Variants in N4BP2 observed in about 807,000 individuals in gnomAD.
N4BP2 encodes NEDD4 binding protein 2, also known as NEDD4-binding protein 2.
Under a neutral mutation model 152.8 loss-of-function variants are expected in N4BP2, and 91 were observed. That is an observed-to-expected ratio of 0.60 (90% CI 0.50 to 0.71). The LOEUF is 0.71. N4BP2 is among the 30% of genes least tolerant of loss of function. The probability of loss-of-function intolerance (pLI) is 0.00; values close to 1 mark genes in which losing one functional copy is unlikely to be tolerated. For synonymous variants in N4BP2, 646 were observed against 705.3 expected (o/e 0.92, Z 1.33); for missense variants, 1,923 against 2,059.1 (o/e 0.93, Z 1.28).
intron 4 of N4BP2, among the ~76,000 whole-genome samples, chr4:40,103,756 T>G (rs1560596545): frequency 1.3e-5 from 2 of 152,188 alleles, no homozygotes. Context: ...ATCAGTTATT[T>G]GATCTCATAT....
the N4BP2 span, among the ~76,000 whole-genome samples, chr4:40,169,762 C>T: frequency 6.6e-6 from 1 of 150,534 alleles, no homozygotes; most frequent in Admixed American, 6.6e-5. Flanking sequence ...GTCAGGTGTT[C>T]GAGACCAGCG....
chr4:40,073,341 T>C (rs535565098), intron 1 of N4BP2, 114 bp from the exon 2 acceptor site: 1 of 152,212 alleles, frequency 6.6e-6, no homozygotes, highest in East Asian at 1.9e-4. Flanking sequence ...TTTGTCACTT[T>C]CTTTTTGGAA....
chr4:40,125,981 G>T (rs1240885837), intron 11 of N4BP2, among the ~76,000 whole-genome samples, 153 bp from the exon 12 acceptor site: 2 of 151,836 alleles, frequency 1.3e-5, no homozygotes, highest in African/African-American at 2.4e-5. Context: ...ATGACGTGAA[G>T]ATGTATTTTA....
At chr4:40,061,350 A>G (rs929805499) in intron 1 of N4BP2, among the ~76,000 whole-genome samples, 2 of 145,826 alleles carry the variant, frequency 1.4e-5, no homozygotes, top group African/African-American at 5.0e-5. Context: ...TCATATTTTT[A>G]TTTCATTTTA....
chr4:40,061,356 T>C (rs1560564108), intron 1 of N4BP2, among the ~76,000 whole-genome samples: 1 of 150,044 alleles, frequency 6.7e-6, no homozygotes, highest in Admixed American at 6.7e-5. Context: ...TTTTATTTCA[T>C]TTTATTTATT....
rs374962141 is a variant in N4BP2 at position 40,118,015 on chromosome 4, G to A, written c.1811G>A (p.Arg604Lys). 4 of 1,591,652 alleles carry A rather than the reference G, an allele frequency of 2.5e-6. No individual in the cohort carries two copies. The highest frequency in any genetic ancestry group is 1.4e-5 in the African/African-American group (1 of 73,782). ...IELCAYSCED[R>K]STSPRDDEDI... is the part of the protein sequence containing the mutation. ...TTGTGTGCATATTCTTGTGAGGATA[G>A]AAGCACTAGGTAGGTTAAAATGCCT... is the stretch of plus-strand genomic sequence containing the variant. The change falls in exon 8 of 18, where the codon AGA becomes AAA. Residue 604 changes from arginine (R) to lysine (K), a missense_variant. Physicochemically the swap from Arg to Lys is conservative, Grantham distance 26. Coordinates refer to ENST00000261435, the MANE Select transcript of N4BP2 (RefSeq NM_018177.6).
At chr4:40,068,806 C>T (rs1711817830) in intron 1 of N4BP2, among the ~76,000 whole-genome samples, 1 of 152,168 alleles carries the variant, frequency 6.6e-6, no homozygotes, top group Non-Finnish European at 1.5e-5. Context: ...TGGGATCCTT[C>T]TCATAATTTT....
At chr4:40,179,652 A>G in the N4BP2 span, among the ~76,000 whole-genome samples, 1 of 152,194 alleles carries the variant, frequency 6.6e-6, no homozygotes, top group Non-Finnish European at 1.5e-5. Context: ...GGTTGGTGCC[A>G]GAGACTGTGC....
At chr4:40,185,113 C>T in the N4BP2 span, among the ~76,000 whole-genome samples, 6 of 151,982 alleles carry the variant, frequency 3.9e-5, no homozygotes, top group East Asian at 3.8e-4. Flanking sequence ...CCCTTCCATT[C>T]GACGTGTGCC....
chr4:40,169,637 T>C, the N4BP2 span, among the ~76,000 whole-genome samples: 1 of 150,578 alleles, frequency 6.6e-6, no homozygotes, highest in African/African-American at 2.4e-5. Context: ...TACATAAAGA[T>C]TGGAAATTCA....
chr4:40,090,542 A>T (rs1285817282), intron 2 of N4BP2, among the ~76,000 whole-genome samples: 1 of 152,216 alleles, frequency 6.6e-6, no homozygotes, highest in Non-Finnish European at 1.5e-5. Context: ...AAGTGAAACG[A>T]CATGTATCAG....
chr4:40,105,012 C>T (rs1007769002), intron 4 of N4BP2, among the ~76,000 whole-genome samples: 5 of 152,058 alleles, frequency 3.3e-5, no homozygotes, highest in Non-Finnish European at 7.4e-5. Context: ...CCGTGTTAGC[C>T]GGGATGGTCT....
chr4:40,155,936 G>A lies in N4BP2; in HGVS notation c.*1699G>A, dbSNP rs554585455. On this transcript the variant is annotated 3_prime_UTR_variant, in exon 18 of 18. Coordinates refer to ENST00000261435, the MANE Select transcript of N4BP2 (RefSeq NM_018177.6). ...ATTATTTAGAAATGGTTAGTGACTG[G>A]TATTGAAGTATTATTCACACTTATG... is the stretch of plus-strand genomic sequence containing the variant. The A allele has an allele frequency of 1.3e-5, 2 of 152,194 alleles. No individual in the cohort carries two copies. The highest frequency in any genetic ancestry group is 2.4e-5 in the African/African-American group (1 of 41,540). 9.4% of individuals were successfully genotyped at this position (152,194 alleles called of 1,614,324 possible). A position where few individuals can be genotyped will look rare whatever the true frequency, so the allele number is the denominator to read the frequency against.
At chr4:40,136,088 T>C (rs1719356106) in intron 13 of N4BP2, among the ~76,000 whole-genome samples, 1 of 152,200 alleles carries the variant, frequency 6.6e-6, no homozygotes, top group Non-Finnish European at 1.5e-5. Flanking sequence ...GACTGAATAA[T>C]GCAGGGATGA....
chr4:40,156,634 A>G lies in N4BP2; in HGVS notation c.*2397A>G. 1 of 152,096 alleles carries G rather than the reference A, an allele frequency of 6.6e-6. No individual in the cohort carries two copies. The highest frequency in any genetic ancestry group is 1.9e-4 in the East Asian group (1 of 5,196). 9.4% of individuals were successfully genotyped at this position (152,096 alleles called of 1,614,324 possible). A position where few individuals can be genotyped will look rare whatever the true frequency, so the allele number is the denominator to read the frequency against. ...AGTAAAGATAGTTTGGGGATTTTAA[A>G]AGTTTTCTCTATTACCCATTTCTAA... On this transcript the variant is annotated 3_prime_UTR_variant, in exon 18 of 18. Transcript: ENST00000261435.
Position 40,102,838 on chromosome 4 carries a change from T to G in N4BP2, c.993T>G (p.His331Gln), listed in dbSNP as rs1305040496. ...SEGFNFKPHK[H>Q]PELPTKGKDV... ...GGTTCAACTTCAAGCCACACAAACA[T>G]CCTGAACTGCCAACTAAGGGGAAGG... The change falls in exon 4 of 18, where the codon CAT becomes CAG. Residue 331 changes from histidine (H) to glutamine (Q), a missense_variant. Physicochemically the swap from His to Gln is conservative, Grantham distance 24. Coordinates refer to ENST00000261435, the MANE Select transcript of N4BP2 (RefSeq NM_018177.6). The G allele has an allele frequency of 6.2e-7, 1 of 1,614,098 alleles. No homozygotes were observed.
At chr4:40,111,376 A>C (rs1405170025) in intron 5 of N4BP2, among the ~76,000 whole-genome samples, 1 of 152,218 alleles carries the variant, frequency 6.6e-6, no homozygotes, top group African/African-American at 2.4e-5. Context: ...GCTGGAGTAC[A>C]ATGGCGTGGT....
chr4:40,092,046 A>ATATATATATATG (rs1491152490), intron 2 of N4BP2, among the ~76,000 whole-genome samples: 4 of 97,466 alleles, frequency 4.1e-5, no homozygotes, highest in Non-Finnish European at 6.2e-5. Context: ...ATATATATAT[A>ATATATATATATG]GCTGAATTTT....
intron 1 of N4BP2, among the ~76,000 whole-genome samples, chr4:40,072,639 A>G (rs1046787757): frequency 7.1e-6 from 1 of 141,464 alleles, no homozygotes; most frequent in Non-Finnish European, 1.5e-5. Flanking sequence ...CCCTCCCTGT[A>G]CCCCCCCAGG....
Sources: allele counts gnomAD v4.1 joint callset (sites outside exome capture counted in the v4.1 genomes callset), GRCh38; gene constraint gnomAD v4.1.1; transcripts MANE v1.5; gene names NCBI Gene and HGNC (gene_info 2026-07-23, HGNC 2026-07-21).